Variants in GLIS1 observed in about 807,000 individuals in gnomAD.
GLIS1 encodes zinc finger protein GLIS1.
Under a neutral mutation model 63.8 loss-of-function variants are expected in GLIS1, and 24 were observed. That is an observed-to-expected ratio of 0.38 (90% CI 0.27 to 0.53). The LOEUF is 0.53. Among genes scored for constraint, GLIS1 ranks in the 20% least tolerant of loss-of-function variants. The pLI, the probability that GLIS1 is intolerant of heterozygous loss-of-function variation, is 0.85. For missense variants in GLIS1, 1,036 were observed against 1,074.1 expected, an observed-to-expected ratio of 0.96 and a Z score of 0.50; for synonymous variants, 450 against 482.5, an observed-to-expected ratio of 0.93 and a Z score of 0.88.
chr1:53,691,748 T>G (rs905125118), intron 2 of GLIS1, among the ~76,000 whole-genome samples: 13 of 152,120 alleles, frequency 8.5e-5, no homozygotes, highest in African/African-American at 2.9e-4. Context: ...CTTACTGAAT[T>G]TGCAGTTTCT....
chr1:53,738,186 C>T, intron 1 of GLIS1, 80 bp from the exon 2 acceptor site: 1 of 832,884 alleles, frequency 1.2e-6, no homozygotes, highest in Non-Finnish European at 1.6e-6. Flanking sequence ...TTGAGCAGGT[C>T]ACTGCCCCTT....
intron 2 of GLIS1, among the ~76,000 whole-genome samples, chr1:53,722,898 C>T (rs936927891): frequency 1.3e-5 from 2 of 151,286 alleles, no homozygotes; most frequent in African/African-American, 2.4e-5. Context: ...TTTGGGAGGC[C>T]GAGGCGGGTG....
chr1:53,734,703 G>A (rs142272153), intron 2 of GLIS1, among the ~76,000 whole-genome samples: 3 of 152,200 alleles, frequency 2.0e-5, no homozygotes, highest in Non-Finnish European at 4.4e-5. Context: ...GGATGTGTGG[G>A]AACACGCTCT....
chr1:53,516,462 TAACAAGGGGAGC>T (rs1401301314), intron 7 of GLIS1, among the ~76,000 whole-genome samples: 1 of 151,380 alleles, frequency 6.6e-6, no homozygotes, highest in Non-Finnish European at 1.5e-5. Context: ...CTGCACGGAT[TAACAAGGGGAGC>T]AGCAGGGCCT....
intron 2 of GLIS1, among the ~76,000 whole-genome samples, chr1:53,724,158 T>G (rs1646783590): frequency 6.6e-6 from 1 of 152,224 alleles, no homozygotes; most frequent in Admixed American, 6.5e-5. Flanking sequence ...AACACTTCTA[T>G]GGCCATCTGC....
At chr1:53,680,796 A>G (rs1233519390) in intron 2 of GLIS1, among the ~76,000 whole-genome samples, 5 of 152,194 alleles carry the variant, frequency 3.3e-5, no homozygotes, top group Non-Finnish European at 7.3e-5. Flanking sequence ...TCTCCCTACT[A>G]AGCAGCAGGA....
chr1:53,590,363 G>A (rs1042013299), intron 4 of GLIS1, among the ~76,000 whole-genome samples: 3 of 152,080 alleles, frequency 2.0e-5, no homozygotes, highest in East Asian at 3.9e-4. Flanking sequence ...CTTCCGGACC[G>A]TGCTCACAGC....
intron 2 of GLIS1, among the ~76,000 whole-genome samples, chr1:53,703,670 C>T (rs1646547683): frequency 6.6e-6 from 1 of 150,578 alleles, no homozygotes; most frequent in Non-Finnish European, 1.5e-5. Flanking sequence ...AAGCATGAGT[C>T]CTTACTTTTC....
chr1:53,599,217 TA>T (rs1250034305), intron 3 of GLIS1, among the ~76,000 whole-genome samples: 2 of 152,162 alleles, frequency 1.3e-5, no homozygotes, highest in Non-Finnish European at 2.9e-5. Context: ...TGCTGAAACT[TA>T]ATCCCAAATG....
At chr1:53,724,894 G>C (rs755348347) in intron 2 of GLIS1, among the ~76,000 whole-genome samples, 1 of 152,038 alleles carries the variant, frequency 6.6e-6, no homozygotes, top group Non-Finnish European at 1.5e-5. Flanking sequence ...GATCACTGTA[G>C]GATAATGAAA....
chr1:53,562,312 A>G (rs1319371624), intron 4 of GLIS1, among the ~76,000 whole-genome samples: 1 of 152,206 alleles, frequency 6.6e-6, no homozygotes, highest in African/African-American at 2.4e-5. Flanking sequence ...CAAGGAGCTG[A>G]GTGGCAAACA....
At chr1:53,703,139 G>A (rs961752468) in intron 2 of GLIS1, among the ~76,000 whole-genome samples, 1 of 152,230 alleles carries the variant, frequency 6.6e-6, no homozygotes, top group Non-Finnish European at 1.5e-5. Context: ...GGTGGAAGCC[G>A]ACGTTTACTG....
chr1:53,694,563 G>A (rs1646444256), intron 2 of GLIS1, among the ~76,000 whole-genome samples: 2 of 152,288 alleles, frequency 1.3e-5, no homozygotes, highest in South Asian at 2.1e-4. Context: ...CTGCTGAGGC[G>A]GCAGCACCAC....
At chr1:53,723,190 T>TA (rs1439631500) in intron 2 of GLIS1, among the ~76,000 whole-genome samples, 1 of 151,516 alleles carries the variant, frequency 6.6e-6, no homozygotes, top group East Asian at 1.9e-4. Flanking sequence ...GTTAATAACA[T>TA]AAAAAAGGTT....
chr1:53,686,196 G>C (rs1255395469), intron 2 of GLIS1, among the ~76,000 whole-genome samples: 2 of 152,316 alleles, frequency 1.3e-5, no homozygotes, highest in East Asian at 3.9e-4. Context: ...TGACTGCCCT[G>C]AAGCTGGGTA....
At chr1:53,681,842 C>CT (rs11448058) in intron 2 of GLIS1, among the ~76,000 whole-genome samples, 48,864 of 151,452 alleles carry the variant, frequency 0.32, 8,934 homozygotes, top group African/African-American at 0.51. Context: ...TGAACCCCCT[C>CT]TCTCCTCCCC....
intron 6 of GLIS1, among the ~76,000 whole-genome samples, chr1:53,523,602 C>T (rs1431263253): frequency 6.6e-6 from 1 of 152,172 alleles, no homozygotes; most frequent in Admixed American, 6.5e-5. Context: ...TTCACTCCCA[C>T]ACCCTCCCTG....
At chr1:53,551,520 T>C (rs748297544) in intron 4 of GLIS1, among the ~76,000 whole-genome samples, 2 of 152,198 alleles carry the variant, frequency 1.3e-5, no homozygotes, top group African/African-American at 2.4e-5. Context: ...TCTGTCCTGA[T>C]GCCTCCTTGG....
chr1:53,518,637 T>C (rs1019905230), intron 7 of GLIS1, among the ~76,000 whole-genome samples: 1 of 152,060 alleles, frequency 6.6e-6, no homozygotes, highest in East Asian at 1.9e-4. Flanking sequence ...ATACCACTTA[T>C]TGTCACAGAA....
Sources: gnomAD v4.1 joint callset for allele counts (sites outside exome capture counted in the v4.1 genomes callset) on GRCh38, gnomAD v4.1.1 for gene constraint, MANE v1.5 for transcripts, NCBI Gene and HGNC (gene_info 2026-07-23, HGNC 2026-07-21) for gene names.